Variants in PDLIM5 observed in about 807,000 individuals in gnomAD.
PDLIM5 encodes the protein PDZ and LIM domain 5.
Under a neutral mutation model 64.2 loss-of-function variants are expected in PDLIM5, and 34 were observed. The ratio of observed to expected loss-of-function variants is 0.53; its 90% CI spans 0.40 to 0.71. PDLIM5 has a LOEUF of 0.71. PDLIM5 is among the 30% of genes least tolerant of loss of function. The pLI is 0.00. For synonymous variants in PDLIM5, 253 were observed against 269.1 expected (o/e 0.94, Z 0.59); for missense variants, 683 against 733.6 (o/e 0.93, Z 0.80).
chr4:94,455,516 G>T, intron 2 of PDLIM5, 132 bp downstream of exon 2: 1 of 715,950 alleles, frequency 1.4e-6, no homozygotes, highest in South Asian at 1.6e-5. Flanking sequence ...TGGCAAATTT[G>T]ATTATCTATA....
rs1033148144 is a variant in PDLIM5, at chr4:94,542,278, C to T, written c.248+18403C>T. On this transcript the variant is annotated intron_variant, in intron 3 of 12. Transcript: ENST00000317968. ...AGTGAGCCGAGATCATGCCATTGCA[C>T]TCCAGCCTGGGGGATAGAGTGAAAC... Among the ~76,000 whole-genome samples, 3 of 147,042 alleles carry T rather than the reference C, an allele frequency of 2.0e-5. No individual in the cohort carries two copies. The South Asian group carries it at 6.8e-4, about 33-fold the overall frequency.
chr4:94,558,008 G>A lies in PDLIM5; in HGVS notation c.249-15343G>A, dbSNP rs183900900. On this transcript the variant is annotated intron_variant, in intron 3 of 12. Transcript: ENST00000317968. Reference sequence around the variant, plus strand: ...CCAGTTTTCAAAGGGAATGCTTCCAGTTTTTGCCCATTCAGTATGATATTG... The same window carrying A: ...CCAGTTTTCAAAGGGAATGCTTCCAATTTTTGCCCATTCAGTATGATATTG... Among the ~76,000 whole-genome samples, 25 of 152,288 alleles carry A rather than the reference G, an allele frequency of 1.6e-4. No individual in the cohort carries two copies. In the East Asian group the frequency reaches 4.8e-3, roughly 29 times the overall value.
intron 2 of PDLIM5, among the ~76,000 whole-genome samples, chr4:94,511,373 T>C (rs1728855592): frequency 6.6e-6 from 1 of 152,206 alleles, no homozygotes; most frequent in African/African-American, 2.4e-5. Context: ...ATCGGGTACC[T>C]GAGATGTTTT....
chr4:94,659,978 C>G (rs1742550955), intron 11 of PDLIM5, among the ~76,000 whole-genome samples: 1 of 150,242 alleles, frequency 6.7e-6, no homozygotes, highest in Non-Finnish European at 1.5e-5. Context: ...CTCACCGTAA[C>G]CTCCACCTCC....
At chr4:94,488,492 T>A (rs945683556) in intron 2 of PDLIM5, among the ~76,000 whole-genome samples, 5 of 152,212 alleles carry the variant, frequency 3.3e-5, no homozygotes, top group Admixed American at 3.3e-4. Context: ...TTAAAATAAC[T>A]TGCTTCTACT....
At chr4:94,496,290 A>T (rs1727388766) in intron 2 of PDLIM5, among the ~76,000 whole-genome samples, 1 of 152,148 alleles carries the variant, frequency 6.6e-6, no homozygotes, top group African/African-American at 2.4e-5. Context: ...TAAATTGATA[A>T]ATATATTAGA....
chr4:94,499,504 A>T (rs1030722877), intron 2 of PDLIM5, among the ~76,000 whole-genome samples: 6 of 152,222 alleles, frequency 3.9e-5, no homozygotes, highest in Non-Finnish European at 7.3e-5. Flanking sequence ...AAATACAAAG[A>T]AAAGAACCTA....
chr4:94,581,885 A>T (rs1475214088), intron 5 of PDLIM5, among the ~76,000 whole-genome samples: 1 of 152,196 alleles, frequency 6.6e-6, no homozygotes, highest in African/African-American at 2.4e-5. Flanking sequence ...TCACTAACTT[A>T]GTTCCTTTAC....
At chr4:94,455,847 C>T (rs1424941227) in intron 2 of PDLIM5, 1 of 1,404,078 alleles carries the variant, frequency 7.1e-7, no homozygotes, top group Non-Finnish European at 9.7e-7. Flanking sequence ...TGATAGCCAA[C>T]AGTAAGATGG....
intron 2 of PDLIM5, 89 bp from the exon 3 acceptor site, chr4:94,523,635 C>A: frequency 1.1e-6 from 1 of 913,536 alleles, no homozygotes. Context: ...TATTAATATA[C>A]TTTTGGTATA....
intron 2 of PDLIM5, among the ~76,000 whole-genome samples, chr4:94,517,165 T>C (rs922047622): frequency 5.3e-5 from 8 of 152,150 alleles, no homozygotes; most frequent in East Asian, 1.9e-4. Flanking sequence ...TTATTTGTGT[T>C]GTTGAGTGGG....
chr4:94,464,852 A>G (rs1385315937), intron 2 of PDLIM5, among the ~76,000 whole-genome samples: 2 of 152,182 alleles, frequency 1.3e-5, no homozygotes, highest in East Asian at 1.9e-4. Flanking sequence ...TTAGCAGACA[A>G]AAGTATTTCC....
intron 7 of PDLIM5, among the ~76,000 whole-genome samples, chr4:94,596,489 CTT>C (rs1467276516): frequency 6.6e-6 from 1 of 150,708 alleles, no homozygotes; most frequent in East Asian, 1.9e-4. Context: ...ATTAAAGAAA[CTT>C]ATGTTTACTA....
At position 94,657,425 on chromosome 4, in the gene PDLIM5, AG is replaced by A; in HGVS notation, c.1465del. On this transcript the variant is annotated splice_acceptor_variant, in intron 10 of 12. Coordinates refer to ENST00000317968, the MANE Select transcript of PDLIM5 (RefSeq NM_006457.5). LOFTEE classifies it high-confidence loss of function. Reference sequence around the variant, plus strand: ...TTACATCCAATTACCTTTCTGTAACAGGAAGTCATCAGTGCGTTGAAACAAA... The same window carrying A: ...TTACATCCAATTACCTTTCTGTAACAGAAGTCATCAGTGCGTTGAAACAAA... 6.3e-7 allele frequency: 1 copy of A among 1,581,760 alleles called. No individual in the cohort carries two copies. The highest frequency in any genetic ancestry group is 8.7e-7 in the Non-Finnish European group (1 of 1,151,692).
chr4:94,599,503 C>T (rs1484562555), intron 7 of PDLIM5, among the ~76,000 whole-genome samples: 1 of 152,086 alleles, frequency 6.6e-6, no homozygotes, highest in African/African-American at 2.4e-5. Context: ...ATTTAGATTT[C>T]AGACATGTTG....
chr4:94,586,495 C>A (rs373057141), intron 7 of PDLIM5, 51 bp downstream of exon 7: 3 of 1,094,072 alleles, frequency 2.7e-6, no homozygotes, highest in Non-Finnish European at 4.2e-6. Context: ...CACGAATGGT[C>A]TCAATTTAGT....
At chr4:94,618,233 G>A in intron 8 of PDLIM5, 42 bp downstream of exon 8, 2 of 1,328,402 alleles carry the variant, frequency 1.5e-6, no homozygotes, top group Non-Finnish European at 2.1e-6. Flanking sequence ...TTCGTAATGA[G>A]TTTCATTATG....
chr4:94,617,870 T>G, intron 7 of PDLIM5, 134 bp from the exon 8 acceptor site: 2 of 469,100 alleles, frequency 4.3e-6, no homozygotes. Context: ...CAGTCATGAC[T>G]TCAAAGATTT....
intron 3 of PDLIM5, among the ~76,000 whole-genome samples, chr4:94,545,319 T>C (rs530828040): frequency 6.6e-6 from 1 of 152,354 alleles, no homozygotes; most frequent in South Asian, 2.1e-4. Flanking sequence ...TGTCAGCATC[T>C]TTTGTTAACC....
Sources: gnomAD v4.1 joint callset for allele counts (sites outside exome capture counted in the v4.1 genomes callset) on GRCh38, gnomAD v4.1.1 for gene constraint, MANE v1.5 for transcripts, NCBI Gene and HGNC (gene_info 2026-07-23, HGNC 2026-07-21) for gene names.